CHRND: variants seen among roughly 807,000 people sequenced by gnomAD.
The protein encoded by CHRND is acetylcholine receptor subunit delta.
A neutral mutation model predicts 57.8 loss-of-function variants in CHRND; 40 were observed. The ratio of observed to expected loss-of-function variants is 0.69; its 90% CI spans 0.54 to 0.90. The LOEUF (loss-of-function observed/expected upper bound fraction) is 0.90. Among genes scored for constraint, CHRND ranks in the 40% least tolerant of loss-of-function variants. CHRND has a pLI of 0.00. For synonymous variants in CHRND, 237 were observed against 270.6 expected, an observed-to-expected ratio of 0.88 and a Z score of 1.22; for missense variants, 634 against 673.9, an observed-to-expected ratio of 0.94 and a Z score of 0.66.
rs1691691940 is a variant in CHRND at position 232,531,418 on chromosome 2, C to G, written c.887C>G (p.Ser296Cys). 6.2e-7 allele frequency: 1 copy of G among 1,614,002 alleles called. No homozygotes were observed. The highest frequency in any genetic ancestry group is 1.1e-5 in the South Asian group (1 of 91,066). ...LAQSVFLLLI[S>C]KRLPATSMAI... ...CAGTCTGTCTTCCTGCTGCTCATCT[C>G]CAAGCGTCTGCCTGCCACATCCATG... The change falls in exon 8 of 12, where the codon TCC becomes TGC. Residue 296 changes from serine (S) to cysteine (C), a missense_variant. Transcript: ENST00000258385.
intron 2 of CHRND, among the ~76,000 whole-genome samples, chr2:232,527,120 A>G (rs936331533): frequency 6.6e-5 from 10 of 151,952 alleles, no homozygotes; most frequent in Admixed American, 5.9e-4. Context: ...CCAACATAGT[A>G]AAACCTGATC....
At position 232,530,232 on chromosome 2, in the gene CHRND, C is replaced by T. The variant is rs540120869; in HGVS notation, c.820+93C>T. On this transcript the variant is annotated intron_variant, in intron 7 of 11. Coordinates refer to ENST00000258385, the MANE Select transcript of CHRND (RefSeq NM_000751.3). Reference sequence around the variant, plus strand: ...CTGCCCCCTCACTTCCTCCTGGGAGCCACCTGGGGTCTCCATTCCTGGAGC... The same window carrying T: ...CTGCCCCCTCACTTCCTCCTGGGAGTCACCTGGGGTCTCCATTCCTGGAGC... 5.4e-5 allele frequency: 73 copies of T among 1,342,302 alleles called. No homozygotes were observed. The African/African-American group carries it at 8.8e-4, about 16-fold the overall frequency. The allele number at this position is 1,342,302 out of a possible 1,614,324, so 83.1% of individuals were successfully genotyped here.
Position 232,534,480 on chromosome 2 carries a change from G to GC in CHRND, c.1371+145dup, listed in dbSNP as rs528296680. On this transcript the variant is annotated intron_variant, in intron 11 of 11. Transcript: ENST00000258385. The stretch of plus-strand genomic sequence containing the variant: ...GGAGTTAATGTGACACAGATTCCAG[G>GC]CCCCCCCGCCAGGGAGAGAGAACTC... The GC allele has an allele frequency of 3.2e-4, 290 of 907,592 alleles. 1 individual carries two copies. Among genetic ancestry groups the GC allele is most frequent in the African/African-American group, 2.9e-3 (178 of 61,042 alleles). 56.2% of individuals were successfully genotyped at this position (907,592 alleles called of 1,614,324 possible).
chr2:232,533,893 A>C (rs1450474289), intron 9 of CHRND, 38 bp from the exon 10 acceptor site: 2 of 1,603,716 alleles, frequency 1.2e-6, no homozygotes, highest in Non-Finnish European at 1.7e-6. Flanking sequence ...AAGAACAAAA[A>C]ACAACGCCTT....
In CHRND at chr2:232,530,061, T is replaced by C; in HGVS notation, c.742T>C (p.Phe248Leu). The C allele has an allele frequency of 1.9e-6, 3 of 1,614,094 alleles. No individual in the cohort carries two copies. Among genetic ancestry groups the C allele is most frequent in the Non-Finnish European group, 2.5e-6 (3 of 1,180,016 alleles). Reference protein sequence around the residue: ...FYLIIRRKPLFYIINILVPCV... With the variant: ...FYLIIRRKPLLYIINILVPCV... The stretch of plus-strand genomic sequence containing the variant: ...CCTCATCATCCGCCGCAAGCCCCTC[T>C]TCTACATCATCAACATCCTGGTGCC... Residue 248 changes from phenylalanine to leucine, a missense_variant, in exon 7 of 12, where the codon TTC becomes CTC. Physicochemically the swap from Phe to Leu is conservative, Grantham distance 22. Transcript: ENST00000258385.
At chr2:232,533,758 G>T (rs1030777025) in intron 9 of CHRND, among the ~76,000 whole-genome samples, 173 bp from the exon 10 acceptor site, 1 of 149,336 alleles carries the variant, frequency 6.7e-6, no homozygotes, top group African/African-American at 2.4e-5. Flanking sequence ...CGTGCCTGTA[G>T]TCCCAACTAC....
At chr2:232,531,863 C>G (rs1417503339) in intron 9 of CHRND, among the ~76,000 whole-genome samples, 2 of 140,828 alleles carry the variant, frequency 1.4e-5, no homozygotes, top group East Asian at 4.2e-4. Flanking sequence ...AGGTGGATCA[C>G]TTGAGCCTGG....
intron 11 of CHRND, among the ~76,000 whole-genome samples, chr2:232,534,832 C>T (rs1249018209): frequency 6.6e-6 from 1 of 152,222 alleles, no homozygotes; most frequent in Non-Finnish European, 1.5e-5. Flanking sequence ...ATCCACCTTC[C>T]TCAGCCCCTA....
intron 11 of CHRND, among the ~76,000 whole-genome samples, chr2:232,534,665 G>C (rs1436930234): frequency 2.6e-5 from 4 of 152,184 alleles, no homozygotes; most frequent in African/African-American, 9.7e-5. Flanking sequence ...TGATACTCCA[G>C]ACAGAACCAG....
Position 232,526,173 on chromosome 2 carries a change from G to A in CHRND, c.-43G>A, listed in dbSNP as rs747494704. The A allele has an allele frequency of 3.8e-6, 6 of 1,594,882 alleles. No homozygotes were observed. In the South Asian group the frequency reaches 6.6e-5, roughly 18 times the overall value. On this transcript the variant is annotated 5_prime_UTR_variant, in exon 1 of 12. Coordinates refer to ENST00000258385, the MANE Select transcript of CHRND (RefSeq NM_000751.3). ...CCGCCCACCCTCATTCCACAGCCCT[G>A]TAGACAGGAGGGGCAGATGCACGTC...
chr2:232,531,773 A>C (rs1574634530), intron 9 of CHRND, 117 bp downstream of exon 9: 1 of 806,198 alleles, frequency 1.2e-6, no homozygotes, highest in Non-Finnish European at 2.1e-6. Context: ...ACATAGAGAC[A>C]CCCCTGTCTC....
chr2:232,527,812 C>T (rs1691538881), intron 3 of CHRND, among the ~76,000 whole-genome samples: 1 of 152,200 alleles, frequency 6.6e-6, no homozygotes. Context: ...CAGATTGCTT[C>T]TGCATGGAGA....
intron 7 of CHRND, 147 bp downstream of exon 7, chr2:232,530,286 A>G (rs1691640900): frequency 2.4e-6 from 2 of 827,356 alleles, no homozygotes; most frequent in Non-Finnish European, 4.0e-6. Flanking sequence ...TGTGAGGGCC[A>G]GGTGGCCACC....
In CHRND at chr2:232,528,564, G is replaced by A; in HGVS notation, c.417G>A (p.Val139=). 6.2e-7 allele frequency: 1 copy of A among 1,614,090 alleles called. No homozygotes were observed. Among genetic ancestry groups the A allele is most frequent in the Non-Finnish European group, 8.5e-7 (1 of 1,180,024 alleles). ...TGCTTGTCTACCACTACGGCTTCGT[G>A]TACTGGCTGCCACCTGCCATCTTCC... is the stretch of plus-strand genomic sequence containing the variant. ...CNVLVYHYGF[V]YWLPPAIFRS... Residue 139 remains valine (V), a synonymous_variant, in exon 5 of 12, where the codon GTG becomes GTA. Coordinates refer to ENST00000258385, the MANE Select transcript of CHRND (RefSeq NM_000751.3).
rs745698341 is a variant in CHRND, at chr2:232,527,513, G to A, written c.243+68G>A. 1.8e-5 allele frequency: 21 copies of A among 1,180,084 alleles called. No homozygotes were observed. In the Admixed American group the frequency reaches 3.0e-4, roughly 17 times the overall value. 73.1% of individuals were successfully genotyped at this position (1,180,084 alleles called of 1,614,324 possible). Reference sequence around the variant, plus strand: ...TAATCCCAGCACTTTGGAAGGCCGAGGGGGGTGGATCACGAGGTCAGGAGA... The same window carrying A: ...TAATCCCAGCACTTTGGAAGGCCGAAGGGGGTGGATCACGAGGTCAGGAGA... On this transcript the variant is annotated intron_variant, in intron 3 of 11. Coordinates refer to ENST00000258385, the MANE Select transcript of CHRND (RefSeq NM_000751.3).
In CHRND at chr2:232,531,668, G is replaced by A. The variant is rs1349972262; in HGVS notation, c.1047+12G>A. ...AGGGGGTCAAGAAGGTGAGTACTTG[G>A]CCCGGCGCAAAAGCTCACCACTGTA... On this transcript the variant is annotated intron_variant, in intron 9 of 11. Coordinates refer to ENST00000258385, the MANE Select transcript of CHRND (RefSeq NM_000751.3). The A allele has an allele frequency of 6.2e-7, 1 of 1,602,762 alleles. No individual in the cohort carries two copies. The highest frequency in any genetic ancestry group is 8.5e-7 in the Non-Finnish European group (1 of 1,172,350).
rs570612119 is a variant in CHRND at position 232,531,744 on chromosome 2, T to G, written c.1047+88T>G. 4.9e-5 allele frequency: 55 copies of G among 1,132,990 alleles called. No individual in the cohort carries two copies. The East Asian group carries it at 1.2e-3, about 25-fold the overall frequency. 70.2% of individuals were successfully genotyped at this position (1,132,990 alleles called of 1,614,324 possible). A position where few individuals can be genotyped will look rare whatever the true frequency, so the allele number is the denominator to read the frequency against. On this transcript the variant is annotated intron_variant, in intron 9 of 11. Coordinates refer to ENST00000258385, the MANE Select transcript of CHRND (RefSeq NM_000751.3). ...CGGGAGAATCTCTTGAGCCCAGGAG[T>G]TGGAGACCAGCCTGGGCAACATAGA...
At position 232,531,607 on chromosome 2, in the gene CHRND, T is replaced by A. The variant is rs1064796580; in HGVS notation, c.998T>A (p.Ile333Asn). ...VVVICVIVLNIHFRTPSTHVL... is the reference protein window; with the variant it reads ...VVVICVIVLNNHFRTPSTHVL... ...GTGATCTGTGTCATCGTGCTCAACA[T>A]CCACTTCCGAACACCCAGCACCCAT... Residue 333 changes from isoleucine (I) to asparagine (N), a missense_variant, in exon 9 of 12, where the codon ATC becomes AAC. Coordinates refer to ENST00000258385, the MANE Select transcript of CHRND (RefSeq NM_000751.3). 1 of 1,613,810 alleles carries A rather than the reference T, an allele frequency of 6.2e-7. No individual in the cohort carries two copies. The highest frequency in any genetic ancestry group is 8.5e-7 in the Non-Finnish European group (1 of 1,180,024).
Position 232,531,946 on chromosome 2 carries a change from CAAAAAAAAAAAAAA to C in CHRND, c.1047+305_1047+318del, listed in dbSNP as rs778006115. Among the ~76,000 whole-genome samples, 9 of 46,064 alleles carry C rather than the reference CAAAAAAAAAAAAAA, an allele frequency of 2.0e-4. No homozygotes were observed. In the South Asian group the frequency reaches 8.5e-3, roughly 43 times the overall value. The allele number at this position is 46,064 out of a possible 152,430, so 30.2% of individuals were successfully genotyped here. ...TGGGCAACAGAGTGAGACCTTGTCT[CAAAAAAAAAAAAAA>C]AAAAAAAAAAAAAAGAAATGAGCAC... On this transcript the variant is annotated intron_variant, in intron 9 of 11. Coordinates refer to ENST00000258385, the MANE Select transcript of CHRND (RefSeq NM_000751.3).
Sources: gnomAD v4.1 joint callset for allele counts (sites outside exome capture counted in the v4.1 genomes callset) on GRCh38, gnomAD v4.1.1 for gene constraint, MANE v1.5 for transcripts, NCBI Gene and HGNC (gene_info 2026-07-23, HGNC 2026-07-21) for gene names.